DLG2: variants seen among roughly 807,000 people sequenced by gnomAD.
DLG2 encodes the protein disks large homolog 2.
A neutral mutation model predicts 132.5 loss-of-function variants in DLG2; 45 were observed. The observed-to-expected ratio is 0.34, with a 90% CI of 0.27 to 0.44. The LOEUF is 0.44. Ranked by LOEUF, DLG2 falls within the 20% of genes least tolerant of loss-of-function variation. The pLI, the probability that DLG2 is intolerant of heterozygous loss-of-function variation, is 1.00. For synonymous variants in DLG2, 424 were observed against 419.6 expected, an observed-to-expected ratio of 1.01 and a Z score of -0.13; for missense variants, 1,045 against 1,196.9, an observed-to-expected ratio of 0.87 and a Z score of 1.87.
At chr11:84,050,006 G>T (rs543874128) in intron 11 of DLG2, among the ~76,000 whole-genome samples, 1 of 151,792 alleles carries the variant, frequency 6.6e-6, no homozygotes, top group East Asian at 1.9e-4. Flanking sequence ...TTTAAGAAAT[G>T]GTACACAGGG....
chr11:83,668,622 C>T (rs1421118510), intron 18 of DLG2, among the ~76,000 whole-genome samples: 1 of 136,986 alleles, frequency 7.3e-6, no homozygotes, highest in Admixed American at 7.1e-5. Context: ...ACTATATATA[C>T]ACACACACAT....
chr11:85,391,543 A>C (rs1263913241), intron 3 of DLG2, among the ~76,000 whole-genome samples: 1 of 152,092 alleles, frequency 6.6e-6, no homozygotes, highest in Non-Finnish European at 1.5e-5. Context: ...CCTCAACAAA[A>C]TACTAGCTAA....
At chr11:85,045,892 C>A (rs1369228859) in intron 6 of DLG2, among the ~76,000 whole-genome samples, 1 of 152,030 alleles carries the variant, frequency 6.6e-6, no homozygotes, top group Non-Finnish European at 1.5e-5. Context: ...TTTTAAACAT[C>A]ATTATCACTA....
At chr11:84,759,980 T>C (rs1254583725) in intron 6 of DLG2, among the ~76,000 whole-genome samples, 2 of 152,204 alleles carry the variant, frequency 1.3e-5, no homozygotes, top group East Asian at 1.9e-4. Flanking sequence ...ACGTTTATGA[T>C]GTAATGAACT....
chr11:84,545,194 C>T (rs550646063), intron 6 of DLG2: 10 of 454,398 alleles, frequency 2.2e-5, no homozygotes, highest in South Asian at 1.7e-4. Flanking sequence ...TCCTTGGTTT[C>T]ATGGTTTGGC....
chr11:84,295,837 G>A (rs1207807373), intron 7 of DLG2, among the ~76,000 whole-genome samples: 1 of 152,064 alleles, frequency 6.6e-6, no homozygotes, highest in Non-Finnish European at 1.5e-5. Flanking sequence ...ATTAAACCAC[G>A]ACCCTTGAAA....
chr11:85,118,880 T>C (rs1320422832), intron 5 of DLG2, among the ~76,000 whole-genome samples: 1 of 151,790 alleles, frequency 6.6e-6, no homozygotes, highest in African/African-American at 2.4e-5. Flanking sequence ...GTAAGGATTA[T>C]AAAACTATAT....
At chr11:83,927,188 A>G (rs2079130852) in intron 15 of DLG2, among the ~76,000 whole-genome samples, 1 of 152,174 alleles carries the variant, frequency 6.6e-6, no homozygotes, top group Admixed American at 6.6e-5. Context: ...TATTCATCCA[A>G]TAATCCTGAG....
At chr11:83,819,469 C>CAAAAAAAAAAA (rs398016925) in intron 17 of DLG2, among the ~76,000 whole-genome samples, 2 of 28,120 alleles carry the variant, frequency 7.1e-5, no homozygotes, top group African/African-American at 1.5e-4. Context: ...GACTCTATCT[C>CAAAAAAAAAAA]AAAAAAAAAA....
intron 19 of DLG2, among the ~76,000 whole-genome samples, chr11:83,586,901 G>C (rs1196822992): frequency 1.3e-5 from 2 of 152,124 alleles, no homozygotes; most frequent in Non-Finnish European, 2.9e-5. Flanking sequence ...TTCACACCAG[G>C]GTTGTGAAAA....
chr11:85,355,195 T>G (rs944813202), intron 3 of DLG2, among the ~76,000 whole-genome samples: 1 of 152,152 alleles, frequency 6.6e-6, no homozygotes, highest in African/African-American at 2.4e-5. Context: ...GAATAAAAGA[T>G]TGAATATTCA....
intron 17 of DLG2, among the ~76,000 whole-genome samples, chr11:83,817,746 C>T (rs928792432): frequency 1.3e-5 from 2 of 151,982 alleles, no homozygotes; most frequent in African/African-American, 4.8e-5. Context: ...TATGGTGATG[C>T]ATGTTCATAG....
intron 10 of DLG2, 149 bp downstream of exon 10, chr11:84,098,774 G>T (rs976046186): frequency 1.7e-5 from 15 of 896,864 alleles, no homozygotes; most frequent in African/African-American, 1.4e-4. Context: ...AGTAGCAAAA[G>T]ATCTGCAAAG....
chr11:83,714,694 A>T (rs1051687570), intron 18 of DLG2, among the ~76,000 whole-genome samples: 9 of 152,220 alleles, frequency 5.9e-5, no homozygotes, highest in Non-Finnish European at 2.9e-5. Flanking sequence ...CTTTGAGAGG[A>T]TCAGTTAACT....
chr11:83,884,513 G>C (rs12288204), intron 15 of DLG2, among the ~76,000 whole-genome samples: 14,655 of 152,198 alleles, frequency 0.096, 835 homozygotes, highest in Middle Eastern at 0.2. Context: ...ACCTCTGGGG[G>C]CAGGGCACAG....
rs146217048 is a variant in DLG2 at position 83,926,306 on chromosome 11, T to C, written c.1496+4022A>G. Among the ~76,000 whole-genome samples, 303 of 152,292 alleles carry C rather than the reference T, an allele frequency of 2.0e-3. 1 individual carries two copies. The highest frequency in any genetic ancestry group is 7.2e-3 in the African/African-American group (298 of 41,570). Reference sequence around the variant, plus strand: ...GGATTAGGAATTAAACTGATGTAAATGTAAGGATGGTTTCACATGCTAACT... The same window carrying C: ...GGATTAGGAATTAAACTGATGTAAACGTAAGGATGGTTTCACATGCTAACT... On this transcript the variant is annotated intron_variant, in intron 15 of 27. Transcript: ENST00000376104.
intron 3 of DLG2, among the ~76,000 whole-genome samples, chr11:85,328,752 A>C (rs2152836339): frequency 6.6e-6 from 1 of 150,976 alleles, no homozygotes; most frequent in South Asian, 2.1e-4. Context: ...CCTATTCAAC[A>C]TAGTGTTGGA....
chr11:85,189,517 C>T (rs2080370212), intron 4 of DLG2, among the ~76,000 whole-genome samples: 1 of 152,094 alleles, frequency 6.6e-6, no homozygotes, highest in Non-Finnish European at 1.5e-5. Flanking sequence ...GTGTATGCTT[C>T]CATTTACATA....
chr11:83,676,636 T>A (rs1165114373), intron 18 of DLG2, among the ~76,000 whole-genome samples: 1 of 152,230 alleles, frequency 6.6e-6, no homozygotes, highest in African/African-American at 2.4e-5. Flanking sequence ...AATTGCTATG[T>A]CTGCTTTATA....
Sources: gnomAD v4.1 joint callset for allele counts (sites outside exome capture counted in the v4.1 genomes callset) on GRCh38, gnomAD v4.1.1 for gene constraint, MANE v1.5 for transcripts, NCBI Gene and HGNC (gene_info 2026-07-23, HGNC 2026-07-21) for gene names.